The following HPS5 variants were observed in gnomAD, a reference collection of about 807,000 sequenced individuals.
HPS5 encodes the protein BLOC-2 complex member HPS5.
In HPS5, 83 loss-of-function variants were observed where a neutral mutation model predicts 128.0. That is an observed-to-expected ratio of 0.65 (90% CI 0.54 to 0.78). HPS5 has a LOEUF of 0.78. Among genes scored for constraint, HPS5 ranks in the 30% least tolerant of loss-of-function variants. HPS5 has a pLI of 0.00. For synonymous variants in HPS5, 475 were observed against 470.2 expected (o/e 1.01, Z -0.13); for missense variants, 1,281 against 1,326.2 (o/e 0.97, Z 0.53).
At chr11:18,295,952 G>A (rs775845152) in intron 13 of HPS5, 47 bp downstream of exon 13, 2 of 1,581,112 alleles carry the variant, frequency 1.3e-6, no homozygotes, top group Non-Finnish European at 1.7e-6. Flanking sequence ...TGTGAGAACT[G>A]AAATAAGATC....
At chr11:18,285,277 C>T in intron 20 of HPS5, 69 bp downstream of exon 20, 1 of 950,814 alleles carries the variant, frequency 1.1e-6, no homozygotes, top group Admixed American at 1.8e-5. Context: ...AATTCAGACC[C>T]TTAACTATAA....
At chr11:18,310,132 C>T (rs1162369820) in intron 5 of HPS5, among the ~76,000 whole-genome samples, 2 of 152,148 alleles carry the variant, frequency 1.3e-5, no homozygotes, top group Admixed American at 1.3e-4. Context: ...AGGAGCAGGA[C>T]AATGAGAAGC....
chr11:18,280,481 T>C lies in HPS5; in HGVS notation c.3330-539A>G, dbSNP rs754277508. ...CAGTCTCTACAGAACAGTATGGTGG[T>C]TCCTCAAAAAATTAAAAATAGAATT... On this transcript the variant is annotated intron_variant, in intron 22 of 22. Coordinates refer to ENST00000349215, the MANE Select transcript of HPS5 (RefSeq NM_181507.2). The C allele has an allele frequency of 6.0e-6, 4 of 670,170 alleles. No individual in the cohort carries two copies. In the South Asian group the frequency reaches 6.6e-5, roughly 11 times the overall value. 41.5% of individuals were successfully genotyped at this position (670,170 alleles called of 1,614,324 possible).
At chr11:18,303,943 T>C (rs1381508848) in intron 8 of HPS5, among the ~76,000 whole-genome samples, 6 of 151,352 alleles carry the variant, frequency 4.0e-5, no homozygotes, top group Non-Finnish European at 5.9e-5. Context: ...GTATCTATCA[T>C]GTGCCAGGCA....
intron 12 of HPS5, chr11:18,296,415 TA>T (rs1463948523): frequency 3.7e-6 from 2 of 541,032 alleles, no homozygotes; most frequent in Non-Finnish European, 6.5e-6. Flanking sequence ...GCCACAGGAA[TA>T]CTCGCACATC....
chr11:18,287,525 T>C lies in HPS5; in HGVS notation c.2717+10A>G, dbSNP rs770703749. On this transcript the variant is annotated intron_variant, in intron 18 of 22. Coordinates refer to ENST00000349215, the MANE Select transcript of HPS5 (RefSeq NM_181507.2). ...GAAAGGAGAGTCTGCAAATATGCTC[T>C]CCTTCTCACCGCTGATCTTCAGGCC... The C allele has an allele frequency of 3.1e-6, 5 of 1,614,058 alleles. No individual in the cohort carries two copies. In the South Asian group the frequency reaches 4.4e-5, roughly 14 times the overall value.
intron 5 of HPS5, among the ~76,000 whole-genome samples, chr11:18,309,799 G>A (rs1318575766): frequency 6.6e-6 from 1 of 151,864 alleles, no homozygotes; most frequent in Non-Finnish European, 1.5e-5. Context: ...CCAGGAGTCC[G>A]AGACCAGCCT....
chr11:18,288,674 G>C (rs1314993486), intron 16 of HPS5, among the ~76,000 whole-genome samples: 1 of 152,016 alleles, frequency 6.6e-6, no homozygotes, highest in South Asian at 2.1e-4. Flanking sequence ...TAGAAACAGG[G>C]TCTCATTCTG....
At position 18,296,812 on chromosome 11, in the gene HPS5, G is replaced by A. The variant is rs756408229; in HGVS notation, c.1496C>T (p.Ser499Leu). The A allele has an allele frequency of 1.9e-6, 3 of 1,613,934 alleles. No individual in the cohort carries two copies. Among genetic ancestry groups the A allele is most frequent in the East Asian group, 4.5e-5 (2 of 44,886 alleles). ...EEDLPDQCCG[S>L]HGNEDNVSHA... ...ACATTCATCACCTTCATTTCCGTGT[G>A]AGCCACAACACTGATCTGGCAGGTC... is the stretch of plus-strand genomic sequence containing the variant. The change falls in exon 12 of 23, where the codon TCA (serine) becomes TTA (leucine). Residue 499 changes from serine (S) to leucine (L), a missense_variant. Coordinates refer to ENST00000349215, the MANE Select transcript of HPS5 (RefSeq NM_181507.2).
Position 18,306,363 on chromosome 11 carries a change from G to C in HPS5, c.612-16C>G. Reference sequence around the variant, plus strand: ...AAACTTTTCTCTAACATCCAGAAAGGAAGAGAAAGCAGATTTACTTACAAA... The same window carrying C: ...AAACTTTTCTCTAACATCCAGAAAGCAAGAGAAAGCAGATTTACTTACAAA... On this transcript the variant is annotated splice_polypyrimidine_tract_variant and intron_variant, in intron 6 of 22. Transcript: ENST00000349215. The C allele has an allele frequency of 1.3e-6, 2 of 1,583,936 alleles. No individual in the cohort carries two copies. The highest frequency in any genetic ancestry group is 1.7e-6 in the Non-Finnish European group (2 of 1,153,568).
intron 2 of HPS5, among the ~76,000 whole-genome samples, chr11:18,312,409 T>C (rs1863117620): frequency 6.6e-6 from 1 of 152,174 alleles, no homozygotes; most frequent in Non-Finnish European, 1.5e-5. Flanking sequence ...TATTCGTTCA[T>C]TTAAATCATT....
Position 18,306,345 on chromosome 11 carries a change from T to C in HPS5, c.614A>G (p.Glu205Gly). ...TRSFLCDTER[E>G]KFWKIGNKER... is the part of the protein sequence containing the mutation. Reference sequence around the variant, plus strand: ...CTTGTTTCCAATTTTCCAAAACTTTTCTCTAACATCCAGAAAGGAAGAGAA... The same window carrying C: ...CTTGTTTCCAATTTTCCAAAACTTTCCTCTAACATCCAGAAAGGAAGAGAA... The change falls in exon 7 of 23, where the codon GAA (glutamate) becomes GGA (glycine). Residue 205 changes from glutamate to glycine, a missense_variant and splice_region_variant. Glu to Gly is a moderately conservative substitution (Grantham distance 98, BLOSUM62 -2). Coordinates refer to ENST00000349215, the MANE Select transcript of HPS5 (RefSeq NM_181507.2). 6.2e-7 allele frequency: 1 copy of C among 1,610,440 alleles called. No individual in the cohort carries two copies. The highest frequency in any genetic ancestry group is 8.5e-7 in the Non-Finnish European group (1 of 1,176,814).
intron 12 of HPS5, 195 bp from the exon 13 acceptor site, chr11:18,296,317 C>T: frequency 1.7e-6 from 1 of 597,590 alleles, no homozygotes; most frequent in Non-Finnish European, 2.9e-6. Context: ...AACACCGAGG[C>T]AGGTACCTTC....
intron 2 of HPS5, among the ~76,000 whole-genome samples, chr11:18,316,479 A>G (rs1863643984): frequency 6.6e-6 from 1 of 152,218 alleles, no homozygotes; most frequent in Middle Eastern, 3.2e-3. Context: ...ACTTTCTGAG[A>G]GAAGACAGCA....
At chr11:18,309,445 G>A (rs1345897234) in intron 5 of HPS5, among the ~76,000 whole-genome samples, 1 of 152,202 alleles carries the variant, frequency 6.6e-6, no homozygotes, top group Non-Finnish European at 1.5e-5. Context: ...AGGAGCTTGA[G>A]GCTGCAGTGA....
chr11:18,317,919 C>T lies in HPS5; in HGVS notation c.-49-12G>A. On this transcript the variant is annotated splice_polypyrimidine_tract_variant and intron_variant, in intron 1 of 22. Coordinates refer to ENST00000349215, the MANE Select transcript of HPS5 (RefSeq NM_181507.2). ...ACAGTATTCCTCACCTGAATAAAAT[C>T]CACAAAAATATAATTTAAGAAGCCC... The T allele has an allele frequency of 6.4e-7, 1 of 1,559,736 alleles. No individual in the cohort carries two copies. The highest frequency in any genetic ancestry group is 1.2e-5 in the South Asian group (1 of 86,650).
chr11:18,302,066 C>G (rs1861771834), intron 8 of HPS5, among the ~76,000 whole-genome samples: 1 of 151,892 alleles, frequency 6.6e-6, no homozygotes, highest in Admixed American at 6.6e-5. Flanking sequence ...TCATCACTTC[C>G]CATTTTCTTA....
At chr11:18,285,518 T>C (rs1859593460) in intron 19 of HPS5, 59 bp from the exon 20 acceptor site, 4 of 1,100,324 alleles carry the variant, frequency 3.6e-6, no homozygotes, top group East Asian at 4.8e-5. Flanking sequence ...AAAATGCTTA[T>C]TTATCACCTA....
At position 18,295,117 on chromosome 11, in the gene HPS5, T is replaced by G. The variant is rs1424599504; in HGVS notation, c.1687A>C (p.Ser563Arg). Residue 563 changes from serine (S) to arginine (R), a missense_variant, in exon 14 of 23, where the codon AGC becomes CGC. Coordinates refer to ENST00000349215, the MANE Select transcript of HPS5 (RefSeq NM_181507.2). ...TCTGGTCTCACTTTCAGATCAGGGC[T>G]CGTGTGAAGGGTGCCAATCTTCTCA... ...TTEKIGTLHT[S>R]PDLKVRPELR... 1 of 1,614,056 alleles carries G rather than the reference T, an allele frequency of 6.2e-7. No individual in the cohort carries two copies. The highest frequency in any genetic ancestry group is 1.3e-5 in the African/African-American group (1 of 74,904).
Sources: gnomAD v4.1 joint callset for allele counts (sites outside exome capture counted in the v4.1 genomes callset) on GRCh38, gnomAD v4.1.1 for gene constraint, MANE v1.5 for transcripts, NCBI Gene and HGNC (gene_info 2026-07-23, HGNC 2026-07-21) for gene names.